Variants in SI observed in about 807,000 individuals in gnomAD.
SI encodes the protein sucrase-isomaltase, intestinal.
Under a neutral mutation model 253.3 loss-of-function variants are expected in SI, and 235 were observed. The ratio of observed to expected loss-of-function variants is 0.93; its 90% CI spans 0.83 to 1.03. SI has a LOEUF of 1.03. Among genes scored for constraint, SI ranks in the 50% least tolerant of loss-of-function variants. The pLI is 0.00. For missense variants in SI, 2,442 were observed against 2,211.1 expected, an observed-to-expected ratio of 1.10 and a Z score of -2.09; for synonymous variants, 819 against 712.0, an observed-to-expected ratio of 1.15 and a Z score of -2.39.
At chr3:165,049,672 T>C (rs1713329071) in intron 14 of SI, 119 bp downstream of exon 14, 2 of 652,332 alleles carry the variant, frequency 3.1e-6, no homozygotes, top group South Asian at 3.7e-5. Flanking sequence ...AACAAATTGA[T>C]TTTATGGTTT....
intron 24 of SI, among the ~76,000 whole-genome samples, chr3:165,032,309 C>T (rs1712290768): frequency 6.6e-6 from 1 of 150,826 alleles, no homozygotes; most frequent in Admixed American, 6.7e-5. Context: ...GCAAGGAATT[C>T]CCTTCATGTT....
intron 37 of SI, among the ~76,000 whole-genome samples, chr3:165,006,029 GATA>G (rs1718494003): frequency 6.6e-6 from 1 of 152,136 alleles, no homozygotes; most frequent in Non-Finnish European, 1.5e-5. Context: ...TAAAAATGCA[GATA>G]ATTACTATGA....
In SI at chr3:165,075,885, T is replaced by C. The variant is rs200646132; in HGVS notation, c.118+10A>G. On this transcript the variant is annotated intron_variant, in intron 2 of 47. Coordinates refer to ENST00000264382, the MANE Select transcript of SI (RefSeq NM_001041.4). The stretch of plus-strand genomic sequence containing the variant: ...CGATAATGTAGCCATGCTTTTAATG[T>C]ACTACTTACCATCAACAGCAGGTGT... 1.4e-4 allele frequency: 193 copies of C among 1,422,552 alleles called. No individual in the cohort carries two copies. The highest frequency in any genetic ancestry group is 3.5e-4 in the Middle Eastern group (2 of 5,694). The allele number at this position is 1,422,552 out of a possible 1,614,324, so 88.1% of individuals were successfully genotyped here.
chr3:164,982,096 TAA>T, intron 47 of SI, 145 bp downstream of exon 47: 3 of 622,336 alleles, frequency 4.8e-6, no homozygotes, highest in Non-Finnish European at 8.4e-6. Context: ...AATAAGGAAA[TAA>T]ATATGGAGGC....
chr3:165,065,158 GT>G (rs1256606053), intron 7 of SI, 102 bp downstream of exon 7: 3 of 752,876 alleles, frequency 4.0e-6, no homozygotes, highest in Non-Finnish European at 6.8e-6. Flanking sequence ...CATTCAAATA[GT>G]TTAGTTGATC....
intron 13 of SI, among the ~76,000 whole-genome samples, chr3:165,051,589 C>T (rs1713433569): frequency 6.6e-6 from 1 of 151,960 alleles, no homozygotes; most frequent in South Asian, 2.1e-4. Flanking sequence ...TTTTAAAAAA[C>T]TGCTGCTGAA....
intron 31 of SI, among the ~76,000 whole-genome samples, chr3:165,016,479 C>T (rs1719037173): frequency 6.6e-6 from 1 of 151,788 alleles, no homozygotes; most frequent in South Asian, 2.1e-4. Flanking sequence ...TTGCTGTTTC[C>T]GGGAAGTATA....
At chr3:165,009,772 G>A (rs1718688057) in intron 34 of SI, among the ~76,000 whole-genome samples, 1 of 152,068 alleles carries the variant, frequency 6.6e-6, no homozygotes, top group Non-Finnish European at 1.5e-5. Context: ...ATAGTATAAA[G>A]CCTGTTTTTA....
At chr3:165,084,944 C>A in the SI span, among the ~76,000 whole-genome samples, 7 of 152,068 alleles carry the variant, frequency 4.6e-5, no homozygotes, top group Non-Finnish European at 8.8e-5. Context: ...CACTGTGAGG[C>A]TTACCTACTT....
At chr3:165,016,207 A>G (rs1227420361) in intron 31 of SI, 127 bp from the exon 32 acceptor site, 1 of 803,824 alleles carries the variant, frequency 1.2e-6, no homozygotes, top group African/African-American at 1.7e-5. Flanking sequence ...GATCCTAAAA[A>G]GAATTAAATG....
intron 38 of SI, 43 bp from the exon 39 acceptor site, chr3:164,996,815 T>C (rs772665950): frequency 1.2e-6 from 1 of 854,042 alleles, no homozygotes; most frequent in South Asian, 1.9e-5. Context: ...TATTATTTCA[T>C]ATATTTTAAT....
intron 47 of SI, among the ~76,000 whole-genome samples, chr3:164,979,954 T>C (rs942208949): frequency 6.6e-6 from 1 of 151,916 alleles, no homozygotes; most frequent in Admixed American, 6.6e-5. Context: ...GAGAGATTAT[T>C]ATCTCTATCA....
At position 164,983,023 on chromosome 3, in the gene SI, A is replaced by G; in HGVS notation, c.5226T>C (p.Ser1742=). ...ATACCTGGTTTAAATTAAATTGTAC[A>G]GATAAATATAGGTCTCTTTCATAGG... The part of the protein sequence containing the change: ...IDTYERDLYL[S]VQFNLNQTTL... Residue 1742 remains serine, a synonymous_variant, in exon 46 of 48, where the codon TCT becomes TCC. Coordinates refer to ENST00000264382, the MANE Select transcript of SI (RefSeq NM_001041.4). The G allele has an allele frequency of 6.5e-7, 1 of 1,545,820 alleles. No individual in the cohort carries two copies. Among genetic ancestry groups the G allele is most frequent in the Middle Eastern group, 1.7e-4 (1 of 5,758 alleles).
At chr3:165,035,663 A>C (rs1313919944) in intron 22 of SI, among the ~76,000 whole-genome samples, 1 of 151,682 alleles carries the variant, frequency 6.6e-6, no homozygotes, top group African/African-American at 2.4e-5. Flanking sequence ...CCTGAGAAGT[A>C]GTTAATTAAA....
At chr3:165,059,132 A>G in intron 11 of SI, 36 bp downstream of exon 11, 1 of 1,611,848 alleles carries the variant, frequency 6.2e-7, no homozygotes, top group Non-Finnish European at 8.5e-7. Flanking sequence ...ACACGTGTAA[A>G]CACTAAAAAT....
intron 9 of SI, 112 bp downstream of exon 9, chr3:165,062,259 C>A (rs1339927402): frequency 6.1e-6 from 4 of 650,568 alleles, no homozygotes; most frequent in African/African-American, 1.9e-5. Flanking sequence ...TTTTCGAAAA[C>A]ATTTAGCTAA....
intron 45 of SI, among the ~76,000 whole-genome samples, chr3:164,985,189 G>A (rs919270944): frequency 2.6e-5 from 4 of 152,158 alleles, no homozygotes; most frequent in Admixed American, 1.3e-4. Flanking sequence ...AGTTGGATAG[G>A]AGGAGCTGGA....
chr3:165,064,673 A>G (rs963901478), intron 7 of SI, among the ~76,000 whole-genome samples: 4 of 152,142 alleles, frequency 2.6e-5, no homozygotes, highest in Non-Finnish European at 4.4e-5. Flanking sequence ...TAAGTCAAGT[A>G]TAAAGATAAA....
At chr3:165,080,073 C>T (rs1341904737), upstream of SI, among the ~76,000 whole-genome samples, 1 of 151,902 alleles carries the variant, frequency 6.6e-6, no homozygotes, top group Non-Finnish European at 1.5e-5. Flanking sequence ...CTGGAAACAA[C>T]AAAAGTGTCT....
Sources: gnomAD v4.1 joint callset for allele counts (sites outside exome capture counted in the v4.1 genomes callset) on GRCh38, gnomAD v4.1.1 for gene constraint, MANE v1.5 for transcripts, NCBI Gene and HGNC (gene_info 2026-07-23, HGNC 2026-07-21) for gene names.